The following MYO18B variants were observed in gnomAD, a reference collection of about 807,000 sequenced individuals.
The protein encoded by MYO18B is myosin XVIIIB, also known as unconventional myosin-XVIIIb.
In MYO18B, 204 loss-of-function variants were observed where a neutral mutation model predicts 273.0. The ratio of observed to expected loss-of-function variants is 0.75; its 90% confidence interval spans 0.67 to 0.84. The LOEUF (loss-of-function observed/expected upper bound fraction) is 0.84. MYO18B is among the 40% of genes least tolerant of loss of function. MYO18B has a pLI of 0.00. For missense variants in MYO18B, 3,212 were observed against 3,287.6 expected (o/e 0.98, Z 0.56); for synonymous variants, 1,330 against 1,305.7 (o/e 1.02, Z -0.40).
Position 25,768,969 on chromosome 22 carries a change from T to C in MYO18B, c.1053T>C (p.Pro351=). 6.8e-6 allele frequency: 11 copies of C among 1,611,272 alleles called. No homozygotes were observed. The highest frequency in any genetic ancestry group is 9.3e-6 in the Non-Finnish European group (11 of 1,178,716). Reference sequence around the variant, plus strand: ...GTAAGGCAGAGAAGACAGGTGAGCCTCAGACCCAGATGGAGAAGACAAGCC... The same window carrying C: ...GTAAGGCAGAGAAGACAGGTGAGCCCCAGACCCAGATGGAGAAGACAAGCC... The part of the protein sequence containing the change: ...LLSKAEKTGE[P]QTQMEKTSQV... Residue 351 remains proline (P), a synonymous_variant, in exon 4 of 44, where the codon CCT becomes CCC. Transcript: ENST00000335473.
Position 25,846,158 on chromosome 22 carries a change from G to A in MYO18B, c.3427G>A (p.Val1143Met). The A allele has an allele frequency of 6.2e-7, 1 of 1,609,688 alleles. No homozygotes were observed. Among genetic ancestry groups the A allele is most frequent in the Non-Finnish European group, 8.5e-7 (1 of 1,178,764 alleles). The stretch of plus-strand genomic sequence containing the variant: ...CAAGCTGCCTCCTGTGTGCCGGGCT[G>A]TGGCAGGCCTGGAGGGCACCTCCCA... ...RAKLPPVCRA[V>M]AGLEGTSQQA... is the part of the protein sequence containing the mutation. The change falls in exon 19 of 44, where the codon GTG becomes ATG. Residue 1143 changes from valine to methionine, a missense_variant. By Grantham distance (21) the Val-to-Met change is conservative. Coordinates refer to ENST00000335473, the MANE Select transcript of MYO18B (RefSeq NM_032608.7).
intron 12 of MYO18B, among the ~76,000 whole-genome samples, chr22:25,802,408 A>G (rs1489681996): frequency 1.3e-5 from 2 of 152,062 alleles, no homozygotes; most frequent in Non-Finnish European, 1.5e-5. Flanking sequence ...TGATCAAATT[A>G]TTGGCAATTA....
Position 25,763,365 on chromosome 22 carries a change from A to G in MYO18B, c.174A>G (p.Leu58=), listed in dbSNP as rs766433080. The G allele has an allele frequency of 1.2e-6, 2 of 1,611,606 alleles. No individual in the cohort carries two copies. Among genetic ancestry groups the G allele is most frequent in the African/African-American group, 2.7e-5 (2 of 74,690 alleles). The change falls in exon 3 of 44, where the codon TTA becomes TTG. Residue 58 remains leucine, a synonymous_variant. Coordinates refer to ENST00000335473, the MANE Select transcript of MYO18B (RefSeq NM_032608.7). ...AGGAAGCGAGACAGAGGAAGCAGTT[A>G]GCTGTCGCCTCTCCAGAACGAGAGG... ...EAKEARQRKQ[L]AVASPEREIP...
Position 25,798,117 on chromosome 22 carries a change from C to G in MYO18B, c.2521+20C>G. On this transcript the variant is annotated intron_variant, in intron 12 of 43. Transcript: ENST00000335473. Reference sequence around the variant, plus strand: ...GCAAAGGTACGTCCTTCCTGCCGGGCTCACCTGGGAGGGCAGCTGTCTCCT... The same window carrying G: ...GCAAAGGTACGTCCTTCCTGCCGGGGTCACCTGGGAGGGCAGCTGTCTCCT... The G allele has an allele frequency of 1.5e-5, 24 of 1,589,590 alleles. No individual in the cohort carries two copies. Among genetic ancestry groups the G allele is most frequent in the Non-Finnish European group, 2.1e-5 (24 of 1,163,954 alleles).
chr22:26,000,743 T>G (rs1155481), intron 40 of MYO18B, among the ~76,000 whole-genome samples: 4,980 of 152,252 alleles, frequency 0.033, 76 homozygotes, highest in African/African-American at 0.045. Context: ...ACTCTCATTT[T>G]TTGGAGACCA....
chr22:25,962,031 G>A (rs987411150), intron 39 of MYO18B, among the ~76,000 whole-genome samples: 1 of 152,170 alleles, frequency 6.6e-6, no homozygotes, highest in African/African-American at 2.4e-5. Flanking sequence ...GCAGGTGCTG[G>A]TGTCACACTT....
chr22:25,871,448 G>C (rs1216837548), intron 22 of MYO18B, among the ~76,000 whole-genome samples: 1 of 152,218 alleles, frequency 6.6e-6, no homozygotes, highest in Non-Finnish European at 1.5e-5. Flanking sequence ...AAGTGACTAA[G>C]AGGAGAGGAG....
At chr22:26,041,894 C>T in the MYO18B span, among the ~76,000 whole-genome samples, 1 of 152,190 alleles carries the variant, frequency 6.6e-6, no homozygotes, top group Admixed American at 6.5e-5. Context: ...TGCCCAGCTC[C>T]CCTGGGTAAG....
chr22:25,883,740 G>A lies in MYO18B; in HGVS notation c.4314+5692G>A, dbSNP rs1036519218. ...ACAGTAATATAAACATTGCTAAAAC[G>A]TGTCGTGTCTCGTCAGTGAAAACTC... is the stretch of plus-strand genomic sequence containing the variant. On this transcript the variant is annotated intron_variant, in intron 25 of 43. Coordinates refer to ENST00000335473, the MANE Select transcript of MYO18B (RefSeq NM_032608.7). The surrounding 1 kb of genome is among the most constrained non-coding windows in gnomAD (Gnocchi z 7.6). The A allele has an allele frequency of 6.6e-5, 10 of 152,256 alleles. No homozygotes were observed. Among genetic ancestry groups the A allele is most frequent in the South Asian group, 2.1e-4 (1 of 4,822 alleles). 9.4% of individuals were successfully genotyped at this position (152,256 alleles called of 1,614,324 possible).
intron 8 of MYO18B, among the ~76,000 whole-genome samples, chr22:25,778,111 A>T (rs2086988785): frequency 6.6e-6 from 1 of 152,150 alleles, no homozygotes. Context: ...TGTGATGTGA[A>T]TGATGCACCC....
chr22:25,742,918 C>T (rs1005258356), intron 1 of MYO18B, among the ~76,000 whole-genome samples: 1 of 152,218 alleles, frequency 6.6e-6, no homozygotes, highest in Non-Finnish European at 1.5e-5. Flanking sequence ...AGGCATTTCT[C>T]TGAATGAAGA....
At chr22:26,021,881 G>A (rs1468413809) in intron 42 of MYO18B, among the ~76,000 whole-genome samples, 2 of 152,232 alleles carry the variant, frequency 1.3e-5, no homozygotes, top group African/African-American at 4.8e-5. Flanking sequence ...CTGGCGCACA[G>A]TAGGTATCTA....
chr22:25,785,245 G>A (rs539859626), intron 10 of MYO18B, among the ~76,000 whole-genome samples, 183 bp from the exon 11 acceptor site: 21 of 152,328 alleles, frequency 1.4e-4, no homozygotes, highest in South Asian at 4.1e-4. Context: ...AGGGCTGTGC[G>A]TGAGGAATAT....
At chr22:26,004,963 G>A (rs1358240845) in intron 42 of MYO18B, 108 bp downstream of exon 42, 17 of 1,422,706 alleles carry the variant, frequency 1.2e-5, no homozygotes, top group Non-Finnish European at 1.5e-5. Flanking sequence ...GCAAAAACAA[G>A]CATGGTCCTG....
At chr22:25,745,233 C>T (rs566898216) in intron 1 of MYO18B, among the ~76,000 whole-genome samples, 1 of 152,084 alleles carries the variant, frequency 6.6e-6, no homozygotes, top group East Asian at 1.9e-4. Flanking sequence ...TCTCAACCTC[C>T]TGAGTAGCTG....
At chr22:25,841,499 A>G (rs2090081626) in intron 17 of MYO18B, among the ~76,000 whole-genome samples, 1 of 152,174 alleles carries the variant, frequency 6.6e-6, no homozygotes. Flanking sequence ...TCCTGGACAG[A>G]GGCAGGCTTT....
chr22:25,755,024 A>C (rs913238832), intron 1 of MYO18B, among the ~76,000 whole-genome samples: 2 of 152,156 alleles, frequency 1.3e-5, no homozygotes, highest in African/African-American at 4.8e-5. Flanking sequence ...ACCTGACGTC[A>C]GGCCTATTTA....
At chr22:25,876,041 TGTGTATG>T in intron 23 of MYO18B, 141 bp from the exon 24 acceptor site, 1 of 456,446 alleles carries the variant, frequency 2.2e-6, no homozygotes, top group Non-Finnish European at 3.9e-6. Flanking sequence ...TGTGTGTGTG[TGTGTATG>T]TGTTTTAAGG....
intron 2 of MYO18B, among the ~76,000 whole-genome samples, chr22:25,762,399 C>T (rs1263500913): frequency 2.6e-5 from 4 of 152,254 alleles, no homozygotes; most frequent in Admixed American, 1.3e-4. Flanking sequence ...GGAGCTCTTC[C>T]GTATAAAGCA....
Sources: gnomAD v4.1 joint callset for allele counts (sites outside exome capture counted in the v4.1 genomes callset) on GRCh38, gnomAD v4.1.1 for gene constraint, Gnocchi (gnomAD v3.1) non-coding constraint, MANE v1.5 for transcripts, NCBI Gene and HGNC (gene_info 2026-07-23, HGNC 2026-07-21) for gene names.